The following PRKN variants were observed in gnomAD, a reference collection of about 807,000 sequenced individuals.
PRKN encodes parkin RBR E3 ubiquitin protein ligase.
A neutral mutation model predicts 59.5 loss-of-function variants in PRKN; 56 were observed. The observed-to-expected ratio is 0.94, with a 90% CI of 0.76 to 1.18. The LOEUF (loss-of-function observed/expected upper bound fraction) is 1.18. PRKN is among the 50% of genes most tolerant of loss of function. The pLI is 0.00. For missense variants in PRKN, 657 were observed against 596.4 expected (o/e 1.10, Z -1.06); for synonymous variants, 250 against 222.1 (o/e 1.13, Z -1.12).
At chr6:162,488,414 T>C (rs1792655242) in intron 1 of PRKN, among the ~76,000 whole-genome samples, 1 of 152,158 alleles carries the variant, frequency 6.6e-6, no homozygotes, top group African/African-American at 2.4e-5. Flanking sequence ...AATCCACTCT[T>C]CACTGAGGAG....
At chr6:162,352,443 T>C (rs149603012) in intron 2 of PRKN, among the ~76,000 whole-genome samples, 36 of 152,288 alleles carry the variant, frequency 2.4e-4, no homozygotes, top group African/African-American at 7.2e-4. Context: ...GAGTTCAGCG[T>C]CTCTTAATCC....
intron 1 of PRKN, among the ~76,000 whole-genome samples, chr6:162,605,563 A>G (rs1230913044): frequency 2.0e-5 from 3 of 152,150 alleles, no homozygotes. Flanking sequence ...TGTGTAAGTG[A>G]TTTTTAATAG....
intron 4 of PRKN, among the ~76,000 whole-genome samples, chr6:162,078,286 C>A (rs1418046233): frequency 6.6e-6 from 1 of 152,068 alleles, no homozygotes; most frequent in Admixed American, 6.6e-5. Flanking sequence ...TATCCCATGG[C>A]TTCTAACATC....
chr6:162,594,185 T>C (rs373815761), intron 1 of PRKN, among the ~76,000 whole-genome samples: 1 of 151,698 alleles, frequency 6.6e-6, no homozygotes, highest in African/African-American at 2.4e-5. Context: ...TTTGGAAGAG[T>C]AGTCTTAAAC....
intron 5 of PRKN, among the ~76,000 whole-genome samples, chr6:162,009,618 C>A (rs946588432): frequency 6.6e-6 from 1 of 151,778 alleles, no homozygotes; most frequent in African/African-American, 2.4e-5. Context: ...TTCACAGGCA[C>A]ACAGGATGCA....
At chr6:162,619,382 G>A (rs1006964139) in intron 1 of PRKN, among the ~76,000 whole-genome samples, 20 of 151,662 alleles carry the variant, frequency 1.3e-4, no homozygotes, top group African/African-American at 7.3e-5. Context: ...TCTTGACCTC[G>A]CAATCCGCCC....
At chr6:162,185,832 T>A (rs1427821899) in intron 4 of PRKN, among the ~76,000 whole-genome samples, 1 of 152,158 alleles carries the variant, frequency 6.6e-6, no homozygotes, top group Non-Finnish European at 1.5e-5. Flanking sequence ...ATGACAGTGA[T>A]CCTGCACATT....
intron 7 of PRKN, among the ~76,000 whole-genome samples, chr6:161,667,485 C>A (rs116055243): frequency 6.6e-6 from 1 of 152,190 alleles, no homozygotes; most frequent in Admixed American, 6.5e-5. Flanking sequence ...CACCCCTTCA[C>A]GCAGAGTTTA....
At chr6:162,713,758 A>T (rs936687578) in intron 1 of PRKN, among the ~76,000 whole-genome samples, 1 of 152,150 alleles carries the variant, frequency 6.6e-6, no homozygotes, top group Non-Finnish European at 1.5e-5. Flanking sequence ...AGCAAAAAAA[A>T]AGAACTTAAA....
At chr6:162,546,343 T>G (rs1463680725) in intron 1 of PRKN, among the ~76,000 whole-genome samples, 1 of 152,088 alleles carries the variant, frequency 6.6e-6, no homozygotes, top group Non-Finnish European at 1.5e-5. Flanking sequence ...CCTCAAGTGA[T>G]CCGCCTGCCT....
intron 2 of PRKN, among the ~76,000 whole-genome samples, chr6:162,380,991 A>G (rs1428584793): frequency 6.6e-6 from 1 of 152,140 alleles, no homozygotes; most frequent in Non-Finnish European, 1.5e-5. Flanking sequence ...GAAAACCGCC[A>G]TGGATTCAGC....
At chr6:161,829,523 A>ATGAAT (rs1792391170) in intron 6 of PRKN, among the ~76,000 whole-genome samples, 1 of 152,148 alleles carries the variant, frequency 6.6e-6, no homozygotes, top group Non-Finnish European at 1.5e-5. Flanking sequence ...TCAGACTGAC[A>ATGAAT]TGAATTGAAA....
chr6:161,725,087 C>A (rs891001853), intron 7 of PRKN, among the ~76,000 whole-genome samples: 5 of 152,210 alleles, frequency 3.3e-5, no homozygotes, highest in African/African-American at 1.2e-4. Flanking sequence ...AGGAGCCTAG[C>A]AGACGCTGGC....
chr6:161,772,059 A>G (rs1355849366), intron 7 of PRKN, among the ~76,000 whole-genome samples: 1 of 152,146 alleles, frequency 6.6e-6, no homozygotes, highest in African/African-American at 2.4e-5. Flanking sequence ...TAAGTGGCCA[A>G]AGCAACATAC....
At chr6:162,137,548 C>T (rs1781601345) in intron 4 of PRKN, among the ~76,000 whole-genome samples, 1 of 152,200 alleles carries the variant, frequency 6.6e-6, no homozygotes, top group South Asian at 2.1e-4. Flanking sequence ...GAACTCCTGA[C>T]ACTGGGTAAA....
Position 162,710,098 on chromosome 6 carries a change from G to C in PRKN, c.7+17564C>G, listed in dbSNP as rs370077958. Among the ~76,000 whole-genome samples, 7 of 152,260 alleles carry C rather than the reference G, an allele frequency of 4.6e-5. No individual in the cohort carries two copies. In the East Asian group the frequency reaches 7.7e-4, roughly 17 times the overall value. On this transcript the variant is annotated intron_variant, in intron 1 of 11. Transcript: ENST00000366898. ...TGCTGAGCCAGGGGTCCTCAAAGCT[G>C]ACACAGTGTCTCAATAATAATGACC... is the stretch of plus-strand genomic sequence containing the variant.
chr6:162,212,935 G>A (rs1777451009), intron 3 of PRKN, among the ~76,000 whole-genome samples: 1 of 152,210 alleles, frequency 6.6e-6, no homozygotes, highest in Admixed American at 6.5e-5. Context: ...GCTATGATAT[G>A]ACTGGGTGAT....
intron 7 of PRKN, among the ~76,000 whole-genome samples, chr6:161,577,297 C>A (rs1048430424): frequency 7.9e-5 from 12 of 152,104 alleles, no homozygotes; most frequent in Non-Finnish European, 1.6e-4. Flanking sequence ...TCATCAAAGC[C>A]GGGTAGTGTG....
intron 5 of PRKN, among the ~76,000 whole-genome samples, chr6:162,052,678 T>C (rs1248031809): frequency 6.6e-6 from 1 of 152,106 alleles, no homozygotes; most frequent in Non-Finnish European, 1.5e-5. Context: ...AGAGTGAATA[T>C]TGGCCCCAAA....
Sources: gnomAD v4.1 joint callset for allele counts (sites outside exome capture counted in the v4.1 genomes callset) on GRCh38, gnomAD v4.1.1 for gene constraint, MANE v1.5 for transcripts, NCBI Gene and HGNC (gene_info 2026-07-23, HGNC 2026-07-21) for gene names.